Variants in TNS1 observed in about 807,000 individuals in gnomAD.
TNS1 encodes tensin-1.
Under a neutral mutation model 168.6 loss-of-function variants are expected in TNS1, and 62 were observed. That is an observed-to-expected ratio of 0.37 (90% confidence interval 0.30 to 0.45). The LOEUF (loss-of-function observed/expected upper bound fraction) is 0.45. Among genes scored for constraint, TNS1 ranks in the 20% least tolerant of loss-of-function variants. TNS1 has a pLI of 1.00. For synonymous variants in TNS1, 934 were observed against 933.2 expected, an observed-to-expected ratio of 1.00 and a Z score of -0.02; for missense variants, 2,240 against 2,339.4, an observed-to-expected ratio of 0.96 and a Z score of 0.88.
intron 16 of TNS1, among the ~76,000 whole-genome samples, chr2:217,884,724 T>G (rs1052160990): frequency 7.9e-5 from 12 of 151,768 alleles, no homozygotes; most frequent in African/African-American, 2.9e-4. Context: ...TGATTGTCAG[T>G]AGGACACATG....
intron 3 of TNS1, among the ~76,000 whole-genome samples, chr2:217,947,538 G>GC (rs1957140923): frequency 6.6e-6 from 1 of 152,154 alleles, no homozygotes; most frequent in Admixed American, 6.5e-5. Context: ...GCTGGGGGTG[G>GC]CGGGACAGAG....
chr2:217,965,713 C>T (rs549581540), intron 3 of TNS1, among the ~76,000 whole-genome samples: 25 of 152,318 alleles, frequency 1.6e-4, no homozygotes, highest in African/African-American at 5.3e-4. Flanking sequence ...CCCCGGGAGG[C>T]GGCCGTCCAC....
At position 217,809,948 on chromosome 2, in the gene TNS1, G is replaced by C; in HGVS notation, c.5148C>G (p.Leu1716=). The part of the protein sequence containing the change: ...LFVNSVDMES[L]TGPQAISKAT... ...CTTTAGAGATGGCCTGTGGCCCAGT[G>C]AGTGACTCCATGTCCACAGAGTTGA... Residue 1716 remains leucine (L), a synonymous_variant, in exon 30 of 33, where the codon CTC becomes CTG. Transcript: ENST00000682258. The C allele has an allele frequency of 6.2e-7, 1 of 1,612,168 alleles. No homozygotes were observed. The highest frequency in any genetic ancestry group is 1.1e-5 in the South Asian group (1 of 91,022).
intron 3 of TNS1, among the ~76,000 whole-genome samples, chr2:217,929,635 A>C (rs1956211274): frequency 6.6e-6 from 1 of 151,806 alleles, no homozygotes; most frequent in African/African-American, 2.4e-5. Flanking sequence ...GCCTTCCTGC[A>C]TGGCACTGAC....
At chr2:217,958,662 C>T (rs1333356746) in intron 3 of TNS1, among the ~76,000 whole-genome samples, 1 of 152,190 alleles carries the variant, frequency 6.6e-6, no homozygotes, top group Non-Finnish European at 1.5e-5. Flanking sequence ...TTCTCAACGC[C>T]CCAAGACCAG....
intron 3 of TNS1, among the ~76,000 whole-genome samples, chr2:217,969,867 T>G (rs1205799365): frequency 6.6e-6 from 1 of 152,204 alleles, no homozygotes; most frequent in Non-Finnish European, 1.5e-5. Context: ...ATGGGTTGAA[T>G]TATGTCCCTC....
intron 1 of TNS1, among the ~76,000 whole-genome samples, chr2:218,024,562 C>G (rs933193103): frequency 6.6e-6 from 1 of 152,066 alleles, no homozygotes; most frequent in African/African-American, 2.4e-5. Context: ...CAGCTCAGTG[C>G]CCAGAAATAG....
chr2:218,028,719 G>A (rs1377641279), intron 1 of TNS1, among the ~76,000 whole-genome samples: 1 of 152,208 alleles, frequency 6.6e-6, no homozygotes, highest in Non-Finnish European at 1.5e-5. Flanking sequence ...GGGCTTTACA[G>A]CTACTCAGGC....
At chr2:218,025,159 C>G (rs1213561628) in intron 1 of TNS1, among the ~76,000 whole-genome samples, 1 of 152,156 alleles carries the variant, frequency 6.6e-6, no homozygotes, top group Non-Finnish European at 1.5e-5. Flanking sequence ...CTTCATGCCT[C>G]AAAGCCCTGC....
intron 18 of TNS1, among the ~76,000 whole-genome samples, chr2:217,869,295 G>C (rs114568210): frequency 1.3e-5 from 2 of 152,194 alleles, no homozygotes; most frequent in Admixed American, 6.5e-5. Flanking sequence ...AAAGCCAGGC[G>C]AGGACAATGA....
At position 217,815,370 on chromosome 2, in the gene TNS1, T is replaced by G. The variant is rs142330529; in HGVS notation, c.4643-372A>C. On this transcript the variant is annotated intron_variant, in intron 24 of 32. Transcript: ENST00000682258. ...TAGAACATCAGGAAGGAGCCAACCT[T>G]GCCAACACCTTGATTTTGGACTTCT... is the stretch of plus-strand genomic sequence containing the variant. The G allele has an allele frequency of 8.9e-4, 185 of 208,746 alleles. 1 individual carries two copies. Among genetic ancestry groups the G allele is most frequent in the African/African-American group, 3.8e-3 (172 of 44,730 alleles). 12.9% of individuals were successfully genotyped at this position (208,746 alleles called of 1,614,324 possible).
chr2:217,914,414 AC>A lies in TNS1; in HGVS notation c.228+5780del, dbSNP rs1954769853. Among the ~76,000 whole-genome samples, 7 of 152,324 alleles carry A rather than the reference AC, an allele frequency of 4.6e-5. 1 individual carries two copies. In the South Asian group the frequency reaches 1.5e-3, roughly 32 times the overall value. On this transcript the variant is annotated intron_variant, in intron 4 of 32. Coordinates refer to ENST00000682258, the MANE Select transcript of TNS1 (RefSeq NM_001387777.1). ...TGACAGGACCTCAGTGAGCCTGAGG[AC>A]TTCTACCCAGGCAGCTCCCTGTGGA...
chr2:217,964,217 A>G (rs1957568860), intron 3 of TNS1, among the ~76,000 whole-genome samples: 1 of 152,244 alleles, frequency 6.6e-6, no homozygotes, highest in South Asian at 2.1e-4. Context: ...AATTGCTAGC[A>G]TTTATCTATT....
chr2:217,941,096 G>A (rs2125938407), intron 3 of TNS1, among the ~76,000 whole-genome samples: 1 of 152,282 alleles, frequency 6.6e-6, no homozygotes, highest in East Asian at 1.9e-4. Context: ...TGGAAACTGA[G>A]GCTCATATGA....
At chr2:217,822,078 CT>C in intron 22 of TNS1, 140 bp from the exon 23 acceptor site, 4 of 923,306 alleles carry the variant, frequency 4.3e-6, no homozygotes, top group Non-Finnish European at 6.3e-6. Flanking sequence ...ACAGGCAGGG[CT>C]CCTGCCTGCC....
chr2:217,821,543 T>C (rs765460249), intron 23 of TNS1, among the ~76,000 whole-genome samples, 197 bp downstream of exon 23: 1 of 152,208 alleles, frequency 6.6e-6, no homozygotes, highest in Non-Finnish European at 1.5e-5. Context: ...TATAGGTCAC[T>C]GGGCTCCCCA....
rs1019976510 is a variant in TNS1 at position 218,033,297 on chromosome 2, A to G, written c.156+523T>C. 1.3e-5 allele frequency among the ~76,000 whole-genome samples: 2 copies of G among 151,974 alleles called. No homozygotes were observed. The highest frequency in any genetic ancestry group is 2.9e-5 in the Non-Finnish European group (2 of 67,956). Reference sequence around the variant, plus strand: ...TCAGACCTGTCCCCACTGCCAGGTCAGCTCCCCACTTGCTAGTCTCTGAGA... The same window carrying G: ...TCAGACCTGTCCCCACTGCCAGGTCGGCTCCCCACTTGCTAGTCTCTGAGA... On this transcript the variant is annotated intron_variant, in intron 1 of 1. Coordinates refer to the TNS1 transcript ENST00000649572. This position sits in a 1 kb window ranked among gnomAD's most constrained non-coding sequence, Gnocchi z 4.3.
intron 24 of TNS1, among the ~76,000 whole-genome samples, chr2:217,817,222 G>A (rs779016054): frequency 1.8e-4 from 27 of 152,156 alleles, no homozygotes; most frequent in Non-Finnish European, 3.7e-4. Flanking sequence ...GCCTGGATTG[G>A]AAGCCTTGGC....
Position 218,020,915 on chromosome 2 carries a change from A to G in TNS1, c.156+12905T>C, listed in dbSNP as rs1574483098. On this transcript the variant is annotated intron_variant, in intron 1 of 1. Transcript: ENST00000649572. ...AGGCAATTCGGACGAAGCAAGTGCA[A>G]TGCAGGAAGAAGCTGCAAGATAAGC... 2.0e-5 allele frequency among the ~76,000 whole-genome samples: 3 copies of G among 152,378 alleles called. No individual in the cohort carries two copies. The East Asian group carries it at 5.8e-4, about 29-fold the overall frequency.
Sources: gnomAD v4.1 joint callset for allele counts (sites outside exome capture counted in the v4.1 genomes callset) on GRCh38, gnomAD v4.1.1 for gene constraint, Gnocchi (gnomAD v3.1) non-coding constraint, MANE v1.5 for transcripts, NCBI Gene and HGNC (gene_info 2026-07-23, HGNC 2026-07-21) for gene names.